The following CALM3 variants were observed in gnomAD, a reference collection of about 807,000 sequenced individuals.
CALM3 encodes the protein calmodulin 3.
In CALM3, 5 loss-of-function variants were observed where a neutral mutation model predicts 20.1. The ratio of observed to expected loss-of-function variants is 0.25; its 90% CI spans 0.13 to 0.52. The LOEUF is 0.52. CALM3 is among the 20% of genes least tolerant of loss of function. The pLI, the probability that CALM3 is intolerant of heterozygous loss-of-function variation, is 0.96. For synonymous variants in CALM3, 69 were observed against 68.1 expected, an observed-to-expected ratio of 1.01 and a Z score of -0.06; for missense variants, 57 against 192.8, an observed-to-expected ratio of 0.30 and a Z score of 4.17.
At chr19:46,607,392 C>T (rs528303898) in intron 2 of CALM3, among the ~76,000 whole-genome samples, 4 of 152,318 alleles carry the variant, frequency 2.6e-5, no homozygotes, top group East Asian at 3.9e-4. Context: ...AATAGGCTGC[C>T]GGACATCTGT....
At chr19:46,602,204 A>C in intron 1 of CALM3, 1 of 1,355,154 alleles carries the variant, frequency 7.4e-7, no homozygotes, top group Admixed American at 2.0e-5. Flanking sequence ...GGTGGTGAAA[A>C]GGGATGGTGA....
rs551492345 is a variant in CALM3, at chr19:46,605,622, C to T, written c.4-205C>T. 2.6e-5 allele frequency among the ~76,000 whole-genome samples: 4 copies of T among 152,354 alleles called. No homozygotes were observed. Among genetic ancestry groups the T allele is most frequent in the Admixed American group, 6.5e-5 (1 of 15,310 alleles). On this transcript the variant is annotated intron_variant, in intron 1 of 5. Coordinates refer to ENST00000291295, the MANE Select transcript of CALM3 (RefSeq NM_005184.4). This position sits in a 1 kb window ranked among gnomAD's most constrained non-coding sequence, Gnocchi z 4.1. ...CAGCAGGCCTGAGTGTCCAGCCCAC[C>T]CTGGTACCCAGCTTTCTGAATCACC...
chr19:46,602,764 G>C (rs1971658586), intron 1 of CALM3: 1 of 165,150 alleles, frequency 6.1e-6, no homozygotes, highest in African/African-American at 2.4e-5. Context: ...CTCTGTCGCT[G>C]CCCTTTTCAG....
rs1599759682 is a variant in CALM3 at position 46,609,021 on chromosome 19, A to G, written c.421+40A>G. ...GGCTTGATCTCTGGAACAAGAAGAG[A>G]ATCGCAGCTTCAGGAACAAGCCCCC... On this transcript the variant is annotated intron_variant, in intron 5 of 5. Transcript: ENST00000291295. 3.7e-6 allele frequency: 6 copies of G among 1,607,806 alleles called. No individual in the cohort carries two copies. The East Asian group carries it at 1.3e-4, about 36-fold the overall frequency.
At chr19:46,601,275 CG>C, upstream of CALM3, 1 of 496,310 alleles carries the variant, frequency 2.0e-6, no homozygotes. The surrounding 1 kb of genome is among the most constrained non-coding windows in gnomAD (Gnocchi z 4.2). Context: ...GCGCGGCGGC[CG>C]TTGAGGGACC....
At chr19:46,602,605 C>T (rs1017992187) in intron 1 of CALM3, 1 of 199,160 alleles carries the variant, frequency 5.0e-6, no homozygotes, top group Non-Finnish European at 1.1e-5. Context: ...AGGAAGAACG[C>T]GGCTGGGTGG....
In CALM3 at chr19:46,601,739, C is replaced by T. The variant is rs1436193659; in HGVS notation, c.3+302C>T. On this transcript the variant is annotated intron_variant, in intron 1 of 5. Transcript: ENST00000291295. This position sits in a 1 kb window ranked among gnomAD's most constrained non-coding sequence, Gnocchi z 4.2. ...AGGATCGGGACCCTCAGTGGGACCCCTCAAAAGGATTTTGGACCCAGGATG... is the reference window on the plus strand; with the variant it reads ...AGGATCGGGACCCTCAGTGGGACCCTTCAAAAGGATTTTGGACCCAGGATG... Among the ~76,000 whole-genome samples, 3 of 152,200 alleles carry T rather than the reference C, an allele frequency of 2.0e-5. No individual in the cohort carries two copies. Among genetic ancestry groups the T allele is most frequent in the Non-Finnish European group, 4.4e-5 (3 of 68,038 alleles).
rs1265437153 is a variant in CALM3, at chr19:46,608,360, T to C, written c.178+20T>C. 6.2e-7 allele frequency: 1 copy of C among 1,613,316 alleles called. No individual in the cohort carries two copies. The highest frequency in any genetic ancestry group is 8.5e-7 in the Non-Finnish European group (1 of 1,179,566). On this transcript the variant is annotated intron_variant, in intron 3 of 5. Coordinates refer to ENST00000291295, the MANE Select transcript of CALM3 (RefSeq NM_005184.4). This position sits in a 1 kb window ranked among gnomAD's most constrained non-coding sequence, Gnocchi z 5.5. ...CAGATGGTGAGCCCCACAGAGCGCG[T>C]GGGCAGCCCTGCTCCTGGTCACCCC...
At chr19:46,606,663 G>A (rs1352745438) in intron 2 of CALM3, among the ~76,000 whole-genome samples, 1 of 152,124 alleles carries the variant, frequency 6.6e-6, no homozygotes, top group Non-Finnish European at 1.5e-5. Context: ...CTCTCAGCAA[G>A]CTAGAAGAAA....
At position 46,608,635 on chromosome 19, in the gene CALM3, C is replaced by G. The variant is rs753297519; in HGVS notation, c.285+47C>G. The G allele has an allele frequency of 6.7e-7, 1 of 1,490,978 alleles. No homozygotes were observed. Among genetic ancestry groups the G allele is most frequent in the Non-Finnish European group, 9.3e-7 (1 of 1,071,690 alleles). The allele number at this position is 1,490,978 out of a possible 1,614,324, so 92.4% of individuals were successfully genotyped here. On this transcript the variant is annotated intron_variant, in intron 4 of 5. Transcript: ENST00000291295. The surrounding 1 kb of genome is among the most constrained non-coding windows in gnomAD (Gnocchi z 5.5). Reference sequence around the variant, plus strand: ...CGGCTCTGAGACTGACGCCAGCCTTCAGGCAGACAGGCGGAACTGGAGCCA... The same window carrying G: ...CGGCTCTGAGACTGACGCCAGCCTTGAGGCAGACAGGCGGAACTGGAGCCA...
In CALM3 at chr19:46,601,396, A is replaced by AACCTTGATCCCCGTGCTCCGGAC; in HGVS notation, c.-35_-13dup. Reference sequence around the variant, plus strand: ...CTGCAGCTGCTGCCGCCGCCGGAGGAACCTTGATCCCCGTGCTCCGGACAC... The same window carrying AACCTTGATCCCCGTGCTCCGGAC: ...CTGCAGCTGCTGCCGCCGCCGGAGGAACCTTGATCCCCGTGCTCCGGACACCTTGATCCCCGTGCTCCGGACAC... On this transcript the variant is annotated 5_prime_UTR_variant, in exon 1 of 6. Transcript: ENST00000291295. This position sits in a 1 kb window ranked among gnomAD's most constrained non-coding sequence, Gnocchi z 4.2. 1 of 1,499,166 alleles carries AACCTTGATCCCCGTGCTCCGGAC rather than the reference A, an allele frequency of 6.7e-7. No individual in the cohort carries two copies. The highest frequency in any genetic ancestry group is 2.9e-5 in the East Asian group (1 of 35,058). The allele number at this position is 1,499,166 out of a possible 1,614,324, so 92.9% of individuals were successfully genotyped here.
At chr19:46,602,107 T>C (rs1971634562) in intron 1 of CALM3, 2 of 1,313,600 alleles carry the variant, frequency 1.5e-6, no homozygotes, top group South Asian at 2.4e-5. Flanking sequence ...TGCAAGCTTA[T>C]GGGAGGAAGA....
upstream of CALM3, chr19:46,601,204 T>C: frequency 3.3e-6 from 1 of 298,644 alleles, no homozygotes; most frequent in Non-Finnish European, 5.7e-6. This position sits in a 1 kb window ranked among gnomAD's most constrained non-coding sequence, Gnocchi z 4.2. Flanking sequence ...GAGGGATCCG[T>C]GGGAGCCGCA....
chr19:46,607,206 C>A (rs376363341), intron 2 of CALM3, among the ~76,000 whole-genome samples: 6 of 152,314 alleles, frequency 3.9e-5, no homozygotes, highest in South Asian at 2.1e-4. Context: ...GAGACTCTTG[C>A]CATGTCCCCA....
chr19:46,602,724 G>A (rs1168253609), intron 1 of CALM3: 1 of 158,646 alleles, frequency 6.3e-6, no homozygotes, highest in East Asian at 1.9e-4. Context: ...TGCCTCGAAT[G>A]AGCCAGCTTT....
intron 1 of CALM3, chr19:46,602,756 C>G (rs778432187): frequency 8.4e-5 from 14 of 166,154 alleles, no homozygotes; most frequent in Non-Finnish European, 1.5e-4. Flanking sequence ...AAGCCTCACT[C>G]TGTCGCTGCC....
intron 2 of CALM3, among the ~76,000 whole-genome samples, chr19:46,607,496 G>A (rs982253763): frequency 1.3e-5 from 2 of 152,158 alleles, no homozygotes; most frequent in African/African-American, 4.8e-5. Context: ...CCCCTGATGC[G>A]GCCCCAGCTG....
Position 46,608,518 on chromosome 19 carries a change from T to C in CALM3, c.215T>C (p.Met72Thr). 6.2e-7 allele frequency: 1 copy of C among 1,614,116 alleles called. No individual in the cohort carries two copies. The highest frequency in any genetic ancestry group is 8.5e-7 in the Non-Finnish European group (1 of 1,179,978). Residue 72 changes from methionine to threonine, a missense_variant, in exon 4 of 6, where the codon ATG becomes ACG. Met to Thr is a moderately conservative substitution (Grantham distance 81, BLOSUM62 -1). Coordinates refer to ENST00000291295, the MANE Select transcript of CALM3 (RefSeq NM_005184.4). This position sits in a 1 kb window ranked among gnomAD's most constrained non-coding sequence, Gnocchi z 5.5. Reference sequence around the variant, plus strand: ...ATTGACTTCCCGGAGTTCCTGACCATGATGGCCAGAAAGATGAAGGACACA... The same window carrying C: ...ATTGACTTCCCGGAGTTCCTGACCACGATGGCCAGAAAGATGAAGGACACA... ...GTIDFPEFLT[M>T]MARKMKDTDS...
Position 46,601,374 on chromosome 19 carries a change from C to A in CALM3, c.-61C>A. On this transcript the variant is annotated 5_prime_UTR_variant, in exon 1 of 6. Transcript: ENST00000291295. This position sits in a 1 kb window ranked among gnomAD's most constrained non-coding sequence, Gnocchi z 4.2. ...ACGCGCGGCGGAGCTGGAACTGCTG[C>A]AGCTGCTGCCGCCGCCGGAGGAACC... The A allele has an allele frequency of 1.3e-6, 2 of 1,494,276 alleles. No individual in the cohort carries two copies. Among genetic ancestry groups the A allele is most frequent in the South Asian group, 2.5e-5 (2 of 81,246 alleles). 92.6% of individuals were successfully genotyped at this position (1,494,276 alleles called of 1,614,324 possible).
Sources: gnomAD v4.1 joint callset for allele counts (sites outside exome capture counted in the v4.1 genomes callset) on GRCh38, gnomAD v4.1.1 for gene constraint, Gnocchi (gnomAD v3.1) non-coding constraint, MANE v1.5 for transcripts, NCBI Gene and HGNC (gene_info 2026-07-23, HGNC 2026-07-21) for gene names.